The following ITSN1 variants were observed in gnomAD, a reference collection of about 807,000 sequenced individuals.
The protein encoded by ITSN1 is intersectin-1.
ITSN1 carries 58 observed loss-of-function variants against 239.8 expected under a neutral mutation model. That is an observed-to-expected ratio of 0.24 (90% CI 0.20 to 0.30). The LOEUF is 0.30. ITSN1 is among the 10% of genes least tolerant of loss of function. ITSN1 has a pLI of 1.00. For synonymous variants in ITSN1, 780 were observed against 770.8 expected, an observed-to-expected ratio of 1.01 and a Z score of -0.20; for missense variants, 1,558 against 2,103.3, an observed-to-expected ratio of 0.74 and a Z score of 5.07.
intron 1 of ITSN1, among the ~76,000 whole-genome samples, chr21:33,700,637 G>A (rs541895007): frequency 6.6e-6 from 1 of 152,204 alleles, no homozygotes; most frequent in African/African-American, 2.4e-5. Flanking sequence ...ACTGACACCA[G>A]GCATGCTTTG....
intron 1 of ITSN1, among the ~76,000 whole-genome samples, chr21:33,653,822 A>C (rs991877519): frequency 6.6e-6 from 1 of 151,946 alleles, no homozygotes; most frequent in Non-Finnish European, 1.5e-5. Flanking sequence ...GCGCCCGGCC[A>C]ATGTCTTTCT....
chr21:33,642,600 A>T lies in ITSN1; in HGVS notation c.-146A>T, dbSNP rs2087484200. ...ATCCCGAGCGGGCTCCGGGACGGACAGAGAGGCGGGCGGGGATGGTGTGCG... is the reference window on the plus strand; with the variant it reads ...ATCCCGAGCGGGCTCCGGGACGGACTGAGAGGCGGGCGGGGATGGTGTGCG... On this transcript the variant is annotated 5_prime_UTR_variant, in exon 1 of 40. Transcript: ENST00000381318. 6.5e-6 allele frequency: 1 copy of T among 152,728 alleles called. No homozygotes were observed. Among genetic ancestry groups the T allele is most frequent in the Admixed American group, 6.6e-5 (1 of 15,264 alleles). The allele number at this position is 152,728 out of a possible 1,614,324, so 9.5% of individuals were successfully genotyped here. A position where few individuals can be genotyped will look rare whatever the true frequency, so the allele number is the denominator to read the frequency against.
intron 1 of ITSN1, among the ~76,000 whole-genome samples, chr21:33,646,498 C>T (rs2087966754): frequency 6.6e-6 from 1 of 152,104 alleles, no homozygotes; most frequent in Non-Finnish European, 1.5e-5. Context: ...TTGACCTTTA[C>T]ACCTTCTTTT....
intron 1 of ITSN1, among the ~76,000 whole-genome samples, chr21:33,662,195 G>A (rs981897158): frequency 6.6e-5 from 10 of 151,784 alleles, no homozygotes; most frequent in Non-Finnish European, 1.2e-4. Flanking sequence ...CCCCCTATCT[G>A]TCCCTTATCC....
At position 33,894,011 on chromosome 21, in the gene ITSN1, T is replaced by A. The variant is rs1986540022; in HGVS notation, c.*5711T>A. 1 of 152,214 alleles carries A rather than the reference T, an allele frequency of 6.6e-6. No homozygotes were observed. Among genetic ancestry groups the A allele is most frequent in the Non-Finnish European group, 1.5e-5 (1 of 68,044 alleles). The allele number at this position is 152,214 out of a possible 1,614,324, so 9.4% of individuals were successfully genotyped here. A position where few individuals can be genotyped will look rare whatever the true frequency, so the allele number is the denominator to read the frequency against. ...TGATCTCTCAGAAACATCTTAGTAGTTAATGCACTGTTCATTTAGGGAGTC... is the reference window on the plus strand; with the variant it reads ...TGATCTCTCAGAAACATCTTAGTAGATAATGCACTGTTCATTTAGGGAGTC... On this transcript the variant is annotated 3_prime_UTR_variant, in exon 40 of 40. Coordinates refer to ENST00000381318, the MANE Select transcript of ITSN1 (RefSeq NM_003024.3).
At chr21:33,779,007 C>G (rs1216695525) in intron 14 of ITSN1, among the ~76,000 whole-genome samples, 1 of 151,930 alleles carries the variant, frequency 6.6e-6, no homozygotes, top group Non-Finnish European at 1.5e-5. Context: ...TTCCTAACCC[C>G]TTCTTCTCTC....
intron 9 of ITSN1, 103 bp downstream of exon 9, chr21:33,762,089 G>A: frequency 2.4e-6 from 2 of 827,724 alleles, no homozygotes; most frequent in Non-Finnish European, 4.2e-6. Flanking sequence ...GGGGGAATAT[G>A]TAGAATTTGC....
chr21:33,870,919 T>G (rs1439364458), intron 33 of ITSN1, among the ~76,000 whole-genome samples: 1 of 152,200 alleles, frequency 6.6e-6, no homozygotes, highest in African/African-American at 2.4e-5. Flanking sequence ...GCACCTGCAC[T>G]CTAATCCCCC....
intron 1 of ITSN1, among the ~76,000 whole-genome samples, chr21:33,710,081 GTTTT>G (rs535357439): frequency 7.6e-6 from 1 of 131,354 alleles, no homozygotes; most frequent in Non-Finnish European, 1.6e-5. Flanking sequence ...ATTTTTTTTT[GTTTT>G]TTTTTTTTTT....
At chr21:33,768,273 T>A (rs2068863075) in intron 11 of ITSN1, among the ~76,000 whole-genome samples, 1 of 152,128 alleles carries the variant, frequency 6.6e-6, no homozygotes, top group Admixed American at 6.5e-5. Flanking sequence ...AATGTGAACC[T>A]ATTTTATTTT....
At chr21:33,881,945 CA>C (rs370697945) in intron 34 of ITSN1, among the ~76,000 whole-genome samples, 1,066 of 88,390 alleles carry the variant, frequency 0.012, 1 homozygote, top group Admixed American at 0.017. Flanking sequence ...GACCCTGTCT[CA>C]AAAAAAAAAA....
At chr21:33,864,056 G>A (rs1981127730) in intron 31 of ITSN1, among the ~76,000 whole-genome samples, 1 of 152,222 alleles carries the variant, frequency 6.6e-6, no homozygotes, top group Non-Finnish European at 1.5e-5. Context: ...AGCCAAAAAT[G>A]TGGGAGAAAG....
chr21:33,808,009 C>T (rs941781642), intron 20 of ITSN1, among the ~76,000 whole-genome samples: 4 of 150,826 alleles, frequency 2.7e-5, no homozygotes, highest in African/African-American at 2.4e-5. Flanking sequence ...CAAGGTGAAA[C>T]CCCGTCTCTA....
intron 1 of ITSN1, among the ~76,000 whole-genome samples, chr21:33,681,714 A>G (rs1008845749): frequency 6.6e-6 from 1 of 150,790 alleles, no homozygotes; most frequent in Non-Finnish European, 1.5e-5. Flanking sequence ...TCTGTCGCCC[A>G]GGCTGGAGTG....
intron 38 of ITSN1, 68 bp downstream of exon 38, chr21:33,885,590 C>A: frequency 8.6e-7 from 1 of 1,156,646 alleles, no homozygotes; most frequent in Non-Finnish European, 1.3e-6. Flanking sequence ...CCCCACACCC[C>A]CACCTGGCTC....
intron 1 of ITSN1, among the ~76,000 whole-genome samples, chr21:33,647,367 A>G (rs937868452): frequency 6.6e-6 from 1 of 152,146 alleles, no homozygotes; most frequent in Non-Finnish European, 1.5e-5. Flanking sequence ...CTTGCTATAC[A>G]TATGGTTGTA....
intron 16 of ITSN1, among the ~76,000 whole-genome samples, chr21:33,788,219 T>C (rs1472564042): frequency 6.6e-6 from 1 of 152,152 alleles, no homozygotes; most frequent in African/African-American, 2.4e-5. Context: ...GCAGAGGGTG[T>C]CTGATTACCT....
chr21:33,836,839 C>T, intron 29 of ITSN1: 1 of 703,810 alleles, frequency 1.4e-6, no homozygotes, highest in Non-Finnish European at 2.4e-6. Context: ...CCTTCTGTAG[C>T]ATGTCCCCTC....
intron 16 of ITSN1, among the ~76,000 whole-genome samples, chr21:33,791,453 G>A (rs1329995160): frequency 6.6e-6 from 1 of 152,112 alleles, no homozygotes; most frequent in African/African-American, 2.4e-5. Flanking sequence ...TCAAAAACAA[G>A]TGTGTTTAAA....
Sources: allele counts gnomAD v4.1 joint callset (sites outside exome capture counted in the v4.1 genomes callset), GRCh38; gene constraint gnomAD v4.1.1; transcripts MANE v1.5; gene names NCBI Gene and HGNC (gene_info 2026-07-23, HGNC 2026-07-21).